Variants in APOLD1 observed in about 807,000 individuals in gnomAD.
APOLD1 encodes the protein apolipoprotein L domain-containing protein 1.
APOLD1 carries 22 observed loss-of-function variants against 15.3 expected under a neutral mutation model. The observed-to-expected ratio is 1.44, with a 90% confidence interval of 1.03 to 2.05. The LOEUF (loss-of-function observed/expected upper bound fraction) is 2.05, where lower values mean the gene tolerates loss of function less well. APOLD1 is among the 30% of genes most tolerant of loss of function. The probability of loss-of-function intolerance (pLI) is 0.00; values close to 1 mark genes in which losing one functional copy is unlikely to be tolerated. For missense variants in APOLD1, 394 were observed against 353.5 expected (o/e 1.11, Z -0.92); for synonymous variants, 190 against 167.4 (o/e 1.13, Z -1.04).
upstream of APOLD1, among the ~76,000 whole-genome samples, chr12:12,784,070 C>T (rs1337835605): frequency 6.6e-6 from 1 of 152,180 alleles, no homozygotes; most frequent in Non-Finnish European, 1.5e-5. Context: ...AAGATATGGG[C>T]TGAGGTCAGT....
intron 1 of APOLD1, among the ~76,000 whole-genome samples, chr12:12,738,343 G>A (rs1946705898): frequency 6.6e-6 from 1 of 151,666 alleles, no homozygotes; most frequent in African/African-American, 2.4e-5. Context: ...TGAGTAGCTG[G>A]GACTGCAGGT....
chr12:12,728,216 C>G (rs1946608945), intron 1 of APOLD1, among the ~76,000 whole-genome samples: 1 of 152,116 alleles, frequency 6.6e-6, no homozygotes, highest in Admixed American at 6.5e-5. Context: ...ATCCTCACAC[C>G]TTGGCCTCCC....
chr12:12,772,567 C>T (rs193058226), intron 1 of APOLD1, among the ~76,000 whole-genome samples: 9 of 152,274 alleles, frequency 5.9e-5, no homozygotes, highest in South Asian at 2.1e-4. Flanking sequence ...CTCTCAGGAA[C>T]GGACAGATCC....
chr12:12,726,067 C>A, exon 1 of APOLD1: 1 of 1,490,218 alleles, frequency 6.7e-7, no homozygotes, highest in Non-Finnish European at 9.0e-7. Context: ...AGGAGCCTGG[C>A]GAGGATGCAC....
chr12:12,753,988 G>A (rs1345932468), intron 1 of APOLD1, among the ~76,000 whole-genome samples: 2 of 151,538 alleles, frequency 1.3e-5, no homozygotes, highest in South Asian at 2.1e-4. Flanking sequence ...GCTGAGGTGG[G>A]CGGATCACCT....
Position 12,787,804 on chromosome 12 carries a change from G to T in APOLD1, c.*152G>T. ...TTTTTGAAGTGGGCAGGTCCCCAAA[G>T]CCCTTCTTTTCCCATCACTGTGACA... is the stretch of plus-strand genomic sequence containing the variant. On this transcript the variant is annotated 3_prime_UTR_variant, in exon 2 of 2. Coordinates refer to ENST00000356591, the MANE Select transcript of APOLD1 (RefSeq NM_030817.3). This position sits in a 1 kb window ranked among gnomAD's most constrained non-coding sequence, Gnocchi z 4.9. The T allele has an allele frequency of 1.8e-6, 2 of 1,126,260 alleles. No individual in the cohort carries two copies. The highest frequency in any genetic ancestry group is 2.5e-6 in the Non-Finnish European group (2 of 815,296). 69.8% of individuals were successfully genotyped at this position (1,126,260 alleles called of 1,614,324 possible).
chr12:12,748,069 G>A (rs992545763), intron 1 of APOLD1, among the ~76,000 whole-genome samples: 1 of 152,192 alleles, frequency 6.6e-6, no homozygotes, highest in Non-Finnish European at 1.5e-5. Flanking sequence ...GGACTGGCAG[G>A]CTGAAGAGCG....
chr12:12,749,032 A>T (rs927111052), intron 1 of APOLD1, among the ~76,000 whole-genome samples: 2 of 152,054 alleles, frequency 1.3e-5, no homozygotes, highest in African/African-American at 4.8e-5. Flanking sequence ...TGACCAGGAG[A>T]TTTCTACTAA....
In APOLD1 at chr12:12,789,999, C is replaced by CTAGCATT. The variant is rs1177581369; in HGVS notation, c.*2349_*2355dup. 11 of 150,926 alleles carry CTAGCATT rather than the reference C, an allele frequency of 7.3e-5. No individual in the cohort carries two copies. The highest frequency in any genetic ancestry group is 2.7e-4 in the African/African-American group (11 of 40,974). 9.3% of individuals were successfully genotyped at this position (150,926 alleles called of 1,614,324 possible). On this transcript the variant is annotated 3_prime_UTR_variant, in exon 2 of 2. Coordinates refer to ENST00000356591, the MANE Select transcript of APOLD1 (RefSeq NM_030817.3). Reference sequence around the variant, plus strand: ...TCTCCTAGACTGTTTCACCCAGATGCTAGCATTTTTTTTTTTTTTTTGAGA... The same window carrying CTAGCATT: ...TCTCCTAGACTGTTTCACCCAGATGCTAGCATTTAGCATTTTTTTTTTTTTTTTGAGA...
chr12:12,787,177 G>T lies in APOLD1; in HGVS notation c.272G>T (p.Gly91Val). 1 of 1,537,696 alleles carries T rather than the reference G, an allele frequency of 6.5e-7. No homozygotes were observed. The highest frequency in any genetic ancestry group is 8.7e-7 in the Non-Finnish European group (1 of 1,151,804). ...ACCTCGCTGCTGGTGTCGGCCGTGG[G>T]GCTGGGGGTGGCCACAGCCGGAGGG... Reference protein sequence around the residue: ...LGTSLLVSAVGLGVATAGGAV... With the variant: ...LGTSLLVSAVVLGVATAGGAV... The change falls in exon 2 of 2, where the codon GGG becomes GTG. Residue 91 changes from glycine (G) to valine (V), a missense_variant. Physicochemically the swap from Gly to Val is moderately radical, Grantham distance 109. Transcript: ENST00000356591. The surrounding 1 kb of genome is among the most constrained non-coding windows in gnomAD (Gnocchi z 4.9).
chr12:12,781,526 CTTTT>C (rs774609531), upstream of APOLD1, among the ~76,000 whole-genome samples: 1 of 138,820 alleles, frequency 7.2e-6, no homozygotes. Context: ...ATCACTTTAT[CTTTT>C]TTTTTTTTTT....
In APOLD1 at chr12:12,787,415, C is replaced by T; in HGVS notation, c.510C>T (p.Ile170=). 1 of 1,614,190 alleles carries T rather than the reference C, an allele frequency of 6.2e-7. No homozygotes were observed. Among genetic ancestry groups the T allele is most frequent in the Non-Finnish European group, 8.5e-7 (1 of 1,180,032 alleles). ...CCCTGTACAATTCTGTCTACTTCATCGTCTTCTTTGGCTCACGTGGCTTCC... is the reference window on the plus strand; with the variant it reads ...CCCTGTACAATTCTGTCTACTTCATTGTCTTCTTTGGCTCACGTGGCTTCC... ...SIALYNSVYF[I]VFFGSRGFLI... Residue 170 remains isoleucine, a synonymous_variant, in exon 2 of 2, where the codon ATC becomes ATT. Transcript: ENST00000356591. The surrounding 1 kb of genome is among the most constrained non-coding windows in gnomAD (Gnocchi z 4.9).
At chr12:12,759,032 C>T (rs1310824038) in intron 1 of APOLD1, among the ~76,000 whole-genome samples, 7 of 152,096 alleles carry the variant, frequency 4.6e-5, no homozygotes, top group African/African-American at 7.2e-5. Flanking sequence ...GGGCAGGGAG[C>T]GCCTACAGTG....
At chr12:12,747,224 A>C (rs1946772987) in intron 1 of APOLD1, among the ~76,000 whole-genome samples, 1 of 152,140 alleles carries the variant, frequency 6.6e-6, no homozygotes, top group African/African-American at 2.4e-5. Flanking sequence ...CAATCCTCCC[A>C]CATCGGCCTC....
In APOLD1 at chr12:12,763,954, T is replaced by A. The variant is rs12308773; in HGVS notation, c.97-22955T>A. ...GGACTGACTATATATAGCACATTAT[T>A]TTTATTTATTTATTTATTTATTTAT... is the stretch of plus-strand genomic sequence containing the variant. On this transcript the variant is annotated intron_variant, in intron 1 of 1. Coordinates refer to the APOLD1 transcript ENST00000326765. Among the ~76,000 whole-genome samples, 528 of 152,010 alleles carry A rather than the reference T, an allele frequency of 3.5e-3. 1 individual carries two copies. Among genetic ancestry groups the A allele is most frequent in the Non-Finnish European group, 5.4e-3 (367 of 67,950 alleles).
chr12:12,745,385 C>T (rs995549721), intron 1 of APOLD1, among the ~76,000 whole-genome samples: 1 of 152,030 alleles, frequency 6.6e-6, no homozygotes, highest in African/African-American at 2.4e-5. Context: ...CAAAAACTAG[C>T]TGGGCCTGGT....
intron 1 of APOLD1, chr12:12,726,423 C>A (rs192399426): frequency 3.0e-4 from 108 of 364,870 alleles, no homozygotes; most frequent in African/African-American, 1.9e-3. Context: ...TTTAGGATGA[C>A]TTTTTTTTTC....
intron 1 of APOLD1, among the ~76,000 whole-genome samples, chr12:12,761,844 G>GAA (rs1243457936): frequency 1.6e-4 from 24 of 148,248 alleles, no homozygotes; most frequent in Non-Finnish European, 3.6e-4. Context: ...GAGAGAGAGA[G>GAA]AGAGAGAGAG....
intron 1 of APOLD1, among the ~76,000 whole-genome samples, chr12:12,734,451 A>G (rs752670220): frequency 2.0e-5 from 3 of 152,240 alleles, no homozygotes; most frequent in Non-Finnish European, 4.4e-5. Flanking sequence ...AATATTGGCT[A>G]TGGGAGACCA....
Sources: gnomAD v4.1 joint callset for allele counts (sites outside exome capture counted in the v4.1 genomes callset) on GRCh38, gnomAD v4.1.1 for gene constraint, Gnocchi (gnomAD v3.1) non-coding constraint, MANE v1.5 for transcripts, NCBI Gene and HGNC (gene_info 2026-07-23, HGNC 2026-07-21) for gene names.